The following DGKB variants were observed in gnomAD, a reference collection of about 807,000 sequenced individuals.
The protein encoded by DGKB is 90 kDa diacylglycerol kinase.
A neutral mutation model predicts 114.3 loss-of-function variants in DGKB; 67 were observed. That is an observed-to-expected ratio of 0.59 (90% CI 0.48 to 0.72). The LOEUF (loss-of-function observed/expected upper bound fraction) is 0.72. Among genes scored for constraint, DGKB ranks in the 30% least tolerant of loss-of-function variants. The probability of loss-of-function intolerance (pLI) is 0.00; values close to 1 mark genes in which losing one functional copy is unlikely to be tolerated. For missense variants in DGKB, 907 were observed against 975.2 expected, an observed-to-expected ratio of 0.93 and a Z score of 0.93; for synonymous variants, 398 against 323.1, an observed-to-expected ratio of 1.23 and a Z score of -2.49.
chr7:14,697,768 G>GAAAGAAAC (rs1554604595), intron 8 of DGKB, among the ~76,000 whole-genome samples: 3 of 121,432 alleles, frequency 2.5e-5, no homozygotes, highest in East Asian at 2.3e-4. Context: ...AAGAAAGAAA[G>GAAAGAAAC]AAACAAAGAG....
intron 20 of DGKB, among the ~76,000 whole-genome samples, chr7:14,539,363 T>C (rs1793046110): frequency 6.6e-6 from 1 of 152,120 alleles, no homozygotes; most frequent in South Asian, 2.1e-4. Flanking sequence ...TGTCATGTTT[T>C]CCTTGCACTA....
At chr7:14,610,328 A>G (rs1003668342) in intron 16 of DGKB, among the ~76,000 whole-genome samples, 28 of 152,046 alleles carry the variant, frequency 1.8e-4, no homozygotes, top group Non-Finnish European at 2.6e-4. Context: ...CTAAACATTG[A>G]GAACACACAC....
At chr7:14,871,598 G>A (rs1402157141) in intron 1 of DGKB, among the ~76,000 whole-genome samples, 2 of 152,092 alleles carry the variant, frequency 1.3e-5, no homozygotes, top group African/African-American at 4.8e-5. Flanking sequence ...ATGATCACCT[G>A]GAATTTAGAC....
intron 1 of DGKB, among the ~76,000 whole-genome samples, chr7:14,878,298 T>C (rs1190627531): frequency 6.6e-6 from 1 of 152,252 alleles, no homozygotes; most frequent in Non-Finnish European, 1.5e-5. Flanking sequence ...GACGGCTTTA[T>C]CTTTCTCTTT....
intron 25 of DGKB, among the ~76,000 whole-genome samples, chr7:14,151,858 T>G (rs1782257629): frequency 6.6e-6 from 1 of 152,110 alleles, no homozygotes; most frequent in Non-Finnish European, 1.5e-5. Context: ...TCACATGCCT[T>G]ATTTCATTGG....
chr7:14,289,960 A>G (rs1801497315), intron 23 of DGKB, among the ~76,000 whole-genome samples: 2 of 152,174 alleles, frequency 1.3e-5, no homozygotes, highest in Non-Finnish European at 2.9e-5. Context: ...CTGAACTACA[A>G]ACTCATTACT....
intron 4 of DGKB, among the ~76,000 whole-genome samples, chr7:14,745,235 T>G (rs974542898): frequency 6.6e-6 from 1 of 152,162 alleles, no homozygotes; most frequent in South Asian, 2.1e-4. Flanking sequence ...GCCATCAAAC[T>G]CCAAGCGATC....
chr7:14,969,567 C>T (rs999130413), intron 1 of DGKB, among the ~76,000 whole-genome samples: 1 of 152,130 alleles, frequency 6.6e-6, no homozygotes, highest in Non-Finnish European at 1.5e-5. Flanking sequence ...GTCAGATCAG[C>T]AGCAGCATTA....
intron 21 of DGKB, among the ~76,000 whole-genome samples, chr7:14,420,686 G>C (rs953809693): frequency 1.3e-5 from 2 of 152,060 alleles, no homozygotes; most frequent in African/African-American, 4.8e-5. Flanking sequence ...ACTGCATGAA[G>C]TTTCATTTAC....
chr7:14,457,839 T>G (rs1055972137), intron 21 of DGKB, among the ~76,000 whole-genome samples: 1 of 152,166 alleles, frequency 6.6e-6, no homozygotes, highest in Admixed American at 6.5e-5. Context: ...CAAATTACAC[T>G]TGGTTAAAAG....
intron 20 of DGKB, among the ~76,000 whole-genome samples, chr7:14,523,041 A>G (rs1584552945): frequency 6.6e-6 from 1 of 152,170 alleles, no homozygotes; most frequent in African/African-American, 2.4e-5. Context: ...CAGAGGATTC[A>G]AAAGTATACT....
intron 23 of DGKB, among the ~76,000 whole-genome samples, chr7:14,222,284 C>A (rs962519709): frequency 2.0e-5 from 3 of 150,888 alleles, no homozygotes; most frequent in African/African-American, 7.3e-5. Flanking sequence ...TTAATGCTTA[C>A]ATTTAGTGCT....
At chr7:14,872,666 GT>G (rs1463926478) in intron 1 of DGKB, among the ~76,000 whole-genome samples, 1 of 151,982 alleles carries the variant, frequency 6.6e-6, no homozygotes, top group Non-Finnish European at 1.5e-5. Context: ...ATCAAAGCTT[GT>G]TTCACAGACA....
At chr7:14,833,963 G>C (rs1446726622) in intron 2 of DGKB, among the ~76,000 whole-genome samples, 1 of 152,034 alleles carries the variant, frequency 6.6e-6, no homozygotes, top group Non-Finnish European at 1.5e-5. Flanking sequence ...GTCATCATTT[G>C]CCACTGGATC....
intron 21 of DGKB, among the ~76,000 whole-genome samples, chr7:14,350,051 T>C (rs534604870): frequency 1.1e-4 from 16 of 152,254 alleles, no homozygotes; most frequent in African/African-American, 3.8e-4. Context: ...CCAATGAATG[T>C]AATTGTAAAT....
At chr7:14,843,683 A>G (rs1186147037) in intron 1 of DGKB, among the ~76,000 whole-genome samples, 6 of 152,218 alleles carry the variant, frequency 3.9e-5, no homozygotes, top group African/African-American at 1.4e-4. Context: ...TAAGTTTTTA[A>G]TTGCCAACAA....
chr7:14,176,831 G>A lies in DGKB; in HGVS notation c.2304+8C>T, dbSNP rs867753238. The A allele has an allele frequency of 5.0e-6, 8 of 1,613,606 alleles. No individual in the cohort carries two copies. Among genetic ancestry groups the A allele is most frequent in the Middle Eastern group, 1.6e-4 (1 of 6,080 alleles). ...ATTGACATAGCATATCAACTACTCTGTACTCACTGTGCATGGGGTCTGCAT... is the reference window on the plus strand; with the variant it reads ...ATTGACATAGCATATCAACTACTCTATACTCACTGTGCATGGGGTCTGCAT... On this transcript the variant is annotated splice_region_variant and intron_variant, in intron 25 of 25. Coordinates refer to ENST00000402815, the MANE Select transcript of DGKB (RefSeq NM_001350709.2).
At chr7:14,560,922 A>T (rs565101307) in intron 20 of DGKB, among the ~76,000 whole-genome samples, 1 of 152,228 alleles carries the variant, frequency 6.6e-6, no homozygotes, top group Non-Finnish European at 1.5e-5. Flanking sequence ...TGTGCTTTTG[A>T]TGTGAATTTC....
chr7:14,533,963 T>C (rs1161307824), intron 20 of DGKB, among the ~76,000 whole-genome samples: 2 of 152,078 alleles, frequency 1.3e-5, no homozygotes, highest in African/African-American at 4.8e-5. Flanking sequence ...CATGAAAGCC[T>C]ATGATAGTAC....
Sources: allele counts gnomAD v4.1 joint callset (sites outside exome capture counted in the v4.1 genomes callset), GRCh38; gene constraint gnomAD v4.1.1; transcripts MANE v1.5; gene names NCBI Gene and HGNC (gene_info 2026-07-23, HGNC 2026-07-21).